Variants in PLEKHA7 observed in about 807,000 individuals in gnomAD.
PLEKHA7 encodes pleckstrin homology domain containing A7, also known as pleckstrin homology domain-containing family A member 7.
PLEKHA7 carries 104 observed loss-of-function variants against 170.0 expected under a neutral mutation model. The ratio of observed to expected loss-of-function variants is 0.61; its 90% CI spans 0.52 to 0.72. The LOEUF (loss-of-function observed/expected upper bound fraction) is 0.72. Ranked by LOEUF, PLEKHA7 falls within the 30% of genes least tolerant of loss-of-function variation. The probability of loss-of-function intolerance (pLI) is 0.00; values close to 1 mark genes in which losing one functional copy is unlikely to be tolerated. For missense variants in PLEKHA7, 1,615 were observed against 1,671.7 expected (o/e 0.97, Z 0.59); for synonymous variants, 648 against 660.8 (o/e 0.98, Z 0.30).
chr11:16,835,873 A>G (rs1054980508), intron 9 of PLEKHA7, among the ~76,000 whole-genome samples: 3 of 152,180 alleles, frequency 2.0e-5, no homozygotes, highest in Admixed American at 6.5e-5. Context: ...CCTCTTTACC[A>G]TGTCCCAGTA....
intron 12 of PLEKHA7, 133 bp downstream of exon 12, chr11:16,816,045 C>T (rs557123689): frequency 2.7e-6 from 2 of 744,420 alleles, no homozygotes; most frequent in African/African-American, 3.5e-5. Context: ...CATTCAACTT[C>T]TCTGAGCCTC....
intron 3 of PLEKHA7, among the ~76,000 whole-genome samples, chr11:16,927,992 AG>A (rs535455918): frequency 2.1e-5 from 3 of 144,840 alleles, no homozygotes; most frequent in South Asian, 2.4e-4. Flanking sequence ...TGGAGGGGGA[AG>A]GGGGGGTCTG....
intron 17 of PLEKHA7, among the ~76,000 whole-genome samples, chr11:16,796,548 T>C (rs1320346385): frequency 6.6e-6 from 1 of 152,182 alleles, no homozygotes; most frequent in Non-Finnish European, 1.5e-5. Flanking sequence ...GGATACAGGA[T>C]TTCTACTGGG....
intron 3 of PLEKHA7, among the ~76,000 whole-genome samples, chr11:16,874,974 A>C (rs1855164356): frequency 6.6e-6 from 1 of 152,346 alleles, no homozygotes; most frequent in Non-Finnish European, 1.5e-5. Context: ...CAGGGTTCTA[A>C]GTAAATGAAT....
intron 3 of PLEKHA7, among the ~76,000 whole-genome samples, chr11:16,982,852 C>T (rs1863523611): frequency 6.7e-6 from 1 of 148,532 alleles, no homozygotes; most frequent in African/African-American, 2.5e-5. Context: ...GAGAGAGAAA[C>T]TCCCAACTAC....
At chr11:16,911,117 T>C (rs1002027695) in intron 3 of PLEKHA7, among the ~76,000 whole-genome samples, 5 of 152,260 alleles carry the variant, frequency 3.3e-5, no homozygotes, top group Admixed American at 6.5e-5. Flanking sequence ...GAATCTGTTA[T>C]AGGTGATTAG....
At chr11:16,900,510 A>T (rs1857261505) in intron 3 of PLEKHA7, among the ~76,000 whole-genome samples, 1 of 152,136 alleles carries the variant, frequency 6.6e-6, no homozygotes, top group East Asian at 1.9e-4. Context: ...CAGCATAGAC[A>T]CCCCATTATA....
chr11:16,805,017 G>A (rs188850269), intron 13 of PLEKHA7, among the ~76,000 whole-genome samples: 87 of 152,326 alleles, frequency 5.7e-4, no homozygotes, highest in African/African-American at 2.0e-3. Context: ...AAAAGCAGGT[G>A]AAAGCAGTGA....
intron 3 of PLEKHA7, among the ~76,000 whole-genome samples, chr11:16,942,081 C>T (rs540352249): frequency 6.6e-6 from 1 of 152,296 alleles, no homozygotes; most frequent in African/African-American, 2.4e-5. Flanking sequence ...CTCAATTAAC[C>T]CTCACCACAG....
At chr11:16,793,923 T>C (rs1296649105) in intron 19 of PLEKHA7, among the ~76,000 whole-genome samples, 1 of 152,054 alleles carries the variant, frequency 6.6e-6, no homozygotes, top group Non-Finnish European at 1.5e-5. Context: ...CATGGAGACA[T>C]TGAGCAAATG....
chr11:16,965,317 T>C (rs1323628754), intron 3 of PLEKHA7, among the ~76,000 whole-genome samples: 2 of 82,100 alleles, frequency 2.4e-5, no homozygotes, highest in Non-Finnish European at 5.6e-5. Context: ...CACGAGACTG[T>C]CTCAAAAAGA....
At chr11:17,013,919 G>A in intron 3 of PLEKHA7, 70 bp downstream of exon 3, 32 of 1,451,402 alleles carry the variant, frequency 2.2e-5, no homozygotes, top group Non-Finnish European at 2.9e-5. Flanking sequence ...AGGGCGGGGC[G>A]CCCGGCGGGA....
chr11:16,998,255 T>C (rs1864457552), intron 3 of PLEKHA7, among the ~76,000 whole-genome samples: 1 of 151,816 alleles, frequency 6.6e-6, no homozygotes, highest in Non-Finnish European at 1.5e-5. Context: ...ACCCCTCAGC[T>C]CACTAGCACC....
intron 3 of PLEKHA7, among the ~76,000 whole-genome samples, chr11:16,875,176 A>G (rs1014394340): frequency 4.6e-5 from 7 of 152,166 alleles, no homozygotes; most frequent in Non-Finnish European, 1.0e-4. Context: ...CATCACCACC[A>G]CCAACTACTG....
At chr11:16,815,093 G>C (rs1849651225) in intron 12 of PLEKHA7, 1 of 153,038 alleles carries the variant, frequency 6.5e-6, no homozygotes, top group African/African-American at 2.4e-5. Context: ...AGCACAGACA[G>C]ACCAGAGCAT....
intron 3 of PLEKHA7, among the ~76,000 whole-genome samples, chr11:16,872,644 G>A (rs150697052): frequency 0.016 from 2,432 of 152,044 alleles, 62 homozygotes; most frequent in African/African-American, 0.054. Context: ...CTCAGCCTCC[G>A]GAGTGGCTGG....
At chr11:16,934,124 G>A (rs1171679082) in intron 3 of PLEKHA7, among the ~76,000 whole-genome samples, 1 of 152,130 alleles carries the variant, frequency 6.6e-6, no homozygotes. Context: ...TGCCGGCTTG[G>A]GAGAAGAGGA....
chr11:17,008,675 T>C (rs944018277), intron 3 of PLEKHA7, among the ~76,000 whole-genome samples: 1 of 152,186 alleles, frequency 6.6e-6, no homozygotes, highest in East Asian at 1.9e-4. Context: ...GGTGCCTAAG[T>C]CACAGAAGTG....
intron 3 of PLEKHA7, among the ~76,000 whole-genome samples, chr11:16,926,964 T>C (rs1227684068): frequency 1.3e-5 from 2 of 152,100 alleles, no homozygotes; most frequent in African/African-American, 4.8e-5. Context: ...ATTTGCTGTG[T>C]GGCCATACAG....
Sources: allele counts gnomAD v4.1 joint callset (sites outside exome capture counted in the v4.1 genomes callset), GRCh38; gene constraint gnomAD v4.1.1; transcripts MANE v1.5; gene names NCBI Gene and HGNC (gene_info 2026-07-23, HGNC 2026-07-21).